Variants in NBEA observed in about 807,000 individuals in gnomAD.
NBEA encodes neurobeachin, also known as lysosomal-trafficking regulator 2.
Under a neutral mutation model 343.4 loss-of-function variants are expected in NBEA, and 44 were observed. That is an observed-to-expected ratio of 0.13 (90% CI 0.10 to 0.16). The LOEUF is 0.16. Ranked by LOEUF, NBEA falls within the 10% of genes least tolerant of loss-of-function variation. The pLI is 1.00. For missense variants in NBEA, 2,555 were observed against 3,631.3 expected (o/e 0.70, Z 7.62); for synonymous variants, 1,175 against 1,238.7 (o/e 0.95, Z 1.08).
intron 30 of NBEA, among the ~76,000 whole-genome samples, chr13:35,191,092 TG>T (rs2072155416): frequency 6.6e-6 from 1 of 152,074 alleles, no homozygotes; most frequent in Non-Finnish European, 1.5e-5. Context: ...TATCCTACGC[TG>T]GGGAACAGAA....
chr13:35,375,694 A>G (rs1003436748), intron 38 of NBEA, among the ~76,000 whole-genome samples: 1 of 152,186 alleles, frequency 6.6e-6, no homozygotes, highest in African/African-American at 2.4e-5. Flanking sequence ...TCTAGAAACC[A>G]TACATGAAAT....
intron 36 of NBEA, among the ~76,000 whole-genome samples, chr13:35,318,454 C>T (rs1378873422): frequency 6.6e-6 from 1 of 152,190 alleles, no homozygotes. Flanking sequence ...ATGAAGCCAA[C>T]TTGATCGTGG....
At position 35,668,511 on chromosome 13, in the gene NBEA, T is replaced by C; in HGVS notation, c.8805T>C (p.His2935=). 6.3e-7 allele frequency: 1 copy of C among 1,597,706 alleles called. No individual in the cohort carries two copies. The highest frequency in any genetic ancestry group is 8.5e-7 in the Non-Finnish European group (1 of 1,172,234). Residue 2935 remains histidine (H), a synonymous_variant, in exon 58 of 59, where the codon CAT becomes CAC. Transcript: ENST00000379939. The part of the protein sequence containing the change: ...DAGIRAMDLS[H]DQRTLITGMA... ...GCATTAGAGCAATGGACTTGTCCCA[T>C]GACCAGAGGTGAGCTGCGTCAAGGA...
At chr13:35,312,812 A>G (rs1251370065) in intron 36 of NBEA, among the ~76,000 whole-genome samples, 2 of 152,240 alleles carry the variant, frequency 1.3e-5, no homozygotes, top group African/African-American at 2.4e-5. Flanking sequence ...AATAGTTTAC[A>G]GTATAAGTAT....
chr13:35,151,076 C>A (rs2068749141), intron 18 of NBEA, among the ~76,000 whole-genome samples: 1 of 144,744 alleles, frequency 6.9e-6, no homozygotes, highest in African/African-American at 2.6e-5. Context: ...GATTGTTCTA[C>A]TGCACTCCAG....
In NBEA at chr13:35,164,253, G is replaced by A. The variant is rs913978475; in HGVS notation, c.4080-103G>A. ...ATTTTATAATTTAATTTTAAATATA[G>A]CTAGCTCCTACAGTTCTATAATTTT... On this transcript the variant is annotated intron_variant, in intron 23 of 58. Transcript: ENST00000379939. 132 of 945,382 alleles carry A rather than the reference G, an allele frequency of 1.4e-4. No homozygotes were observed. The East Asian group carries it at 3.7e-3, about 27-fold the overall frequency. The allele number at this position is 945,382 out of a possible 1,614,324, so 58.6% of individuals were successfully genotyped here. A position where few individuals can be genotyped will look rare whatever the true frequency, so the allele number is the denominator to read the frequency against.
intron 39 of NBEA, among the ~76,000 whole-genome samples, chr13:35,450,931 A>T (rs920123048): frequency 6.6e-5 from 10 of 152,228 alleles, no homozygotes; most frequent in Middle Eastern, 3.2e-3. Context: ...ATAATTTTAT[A>T]TTAATTGACA....
intron 41 of NBEA, among the ~76,000 whole-genome samples, chr13:35,539,833 G>A (rs12429383): frequency 2.0e-5 from 3 of 147,676 alleles, no homozygotes; most frequent in African/African-American, 5.0e-5. Context: ...GGAGAATGGC[G>A]TGAACCCGGG....
chr13:35,546,326 T>G (rs4558281), intron 41 of NBEA, among the ~76,000 whole-genome samples: 139,634 of 152,122 alleles, frequency 0.92, 64,431 homozygotes, highest in East Asian at 1. Context: ...TTAGCTGGTT[T>G]TGGTGGCACA....
chr13:35,525,508 G>A (rs939536754), intron 41 of NBEA, among the ~76,000 whole-genome samples: 2 of 152,028 alleles, frequency 1.3e-5, no homozygotes, highest in African/African-American at 4.8e-5. Flanking sequence ...AGCCAAGATC[G>A]CGCCACTGCA....
intron 28 of NBEA, among the ~76,000 whole-genome samples, chr13:35,177,859 A>T (rs1009561808): frequency 7.9e-5 from 12 of 151,746 alleles, no homozygotes; most frequent in African/African-American, 1.7e-4. Context: ...TTAAATTTAT[A>T]TTTAACAGTA....
chr13:35,400,012 A>G (rs1316591414), intron 38 of NBEA, among the ~76,000 whole-genome samples: 1 of 71,450 alleles, frequency 1.4e-5, no homozygotes, highest in Non-Finnish European at 4.3e-5. Flanking sequence ...ATGGCACCCT[A>G]AAACAGTTGT....
At chr13:35,071,807 A>G (rs1402683148) in intron 10 of NBEA, among the ~76,000 whole-genome samples, 1 of 152,058 alleles carries the variant, frequency 6.6e-6, no homozygotes, top group African/African-American at 2.4e-5. Context: ...ATTCCATTTT[A>G]GTATTTCTAA....
chr13:35,132,251 A>G (rs1329256964), intron 17 of NBEA, among the ~76,000 whole-genome samples: 5 of 152,028 alleles, frequency 3.3e-5, no homozygotes, highest in Non-Finnish European at 1.5e-5. Context: ...TCTGCTTCCC[A>G]TGTTCAAGCG....
chr13:34,949,005 T>A (rs1234535588), intron 1 of NBEA, among the ~76,000 whole-genome samples: 3 of 152,134 alleles, frequency 2.0e-5, no homozygotes, highest in Non-Finnish European at 4.4e-5. Context: ...TTTTACCCCG[T>A]GCTAAAGTTG....
intron 40 of NBEA, among the ~76,000 whole-genome samples, chr13:35,470,902 T>C (rs2075614165): frequency 6.6e-6 from 1 of 152,150 alleles, no homozygotes; most frequent in Non-Finnish European, 1.5e-5. Flanking sequence ...GATGATCCTT[T>C]AAAGTGGTGC....
chr13:35,547,233 C>G (rs2079106617), intron 41 of NBEA, among the ~76,000 whole-genome samples: 1 of 151,556 alleles, frequency 6.6e-6, no homozygotes, highest in African/African-American at 2.4e-5. Flanking sequence ...TGCCATTGTT[C>G]AAAATAGCTT....
At chr13:35,212,723 T>G (rs556912531) in intron 33 of NBEA, among the ~76,000 whole-genome samples, 2 of 152,260 alleles carry the variant, frequency 1.3e-5, no homozygotes, top group East Asian at 3.9e-4. Flanking sequence ...TTTAGCCATT[T>G]TGGCAGAAGT....
chr13:35,294,248 C>CTT (rs919577927), intron 35 of NBEA, among the ~76,000 whole-genome samples: 1 of 140,574 alleles, frequency 7.1e-6, no homozygotes, highest in Non-Finnish European at 1.6e-5. Context: ...AAAGAACAAT[C>CTT]TTTTTTTTTT....
Sources: gnomAD v4.1 joint callset for allele counts (sites outside exome capture counted in the v4.1 genomes callset) on GRCh38, gnomAD v4.1.1 for gene constraint, MANE v1.5 for transcripts, NCBI Gene and HGNC (gene_info 2026-07-23, HGNC 2026-07-21) for gene names.